YBX3: variants seen among roughly 807,000 people sequenced by gnomAD.
The protein encoded by YBX3 is Y-box binding protein 3, also known as Y-box-binding protein 3.
YBX3 carries 29 observed loss-of-function variants against 42.4 expected under a neutral mutation model. The observed-to-expected ratio is 0.68, with a 90% CI of 0.51 to 0.93. YBX3 has a LOEUF of 0.93. YBX3 is among the 40% of genes least tolerant of loss of function. The pLI is 0.00. For synonymous variants in YBX3, 195 were observed against 189.8 expected (o/e 1.03, Z -0.22); for missense variants, 517 against 527.5 (o/e 0.98, Z 0.19).
intron 7 of YBX3, 152 bp downstream of exon 7, chr12:10,703,899 G>A (rs1948108478): frequency 3.1e-6 from 2 of 638,614 alleles, no homozygotes; most frequent in Admixed American, 6.1e-5. Flanking sequence ...GGTGGGAAAT[G>A]TCACACCACC....
intron 7 of YBX3, chr12:10,703,140 G>A (rs1392175723): frequency 6.6e-6 from 1 of 152,128 alleles, no homozygotes; most frequent in Non-Finnish European, 1.5e-5. Context: ...TAAAGCTGGA[G>A]GGAACCTTGT....
At chr12:10,719,005 G>C in intron 2 of YBX3, 75 bp downstream of exon 2, 1 of 1,399,028 alleles carries the variant, frequency 7.1e-7, no homozygotes, top group Non-Finnish European at 1.0e-6. Context: ...ATTAATGAAG[G>C]CTAAGGGATT....
intron 2 of YBX3, among the ~76,000 whole-genome samples, chr12:10,718,689 T>G (rs1948291370): frequency 6.6e-6 from 1 of 152,230 alleles, no homozygotes; most frequent in African/African-American, 2.4e-5. Flanking sequence ...TACATAGGAC[T>G]GGACCAGAAG....
rs1403490573 is a variant in YBX3 at position 10,723,044 on chromosome 12, G to C, written c.68C>G (p.Ala23Gly). ...TTLPQAPTEA[A>G]AAAPQDPAPK... ...CGCGGGGTCCTGGGGAGCCGCGGCGGCCGCCTCCGTCGGAGCCTGCGGGAG... is the reference window on the plus strand; with the variant it reads ...CGCGGGGTCCTGGGGAGCCGCGGCGCCCGCCTCCGTCGGAGCCTGCGGGAG... Residue 23 changes from alanine (A) to glycine (G), a missense_variant, in exon 1 of 10, where the codon GCC becomes GGC. Coordinates refer to ENST00000228251, the MANE Select transcript of YBX3 (RefSeq NM_003651.5). 8.3e-7 allele frequency: 1 copy of C among 1,206,278 alleles called. No homozygotes were observed. The allele number at this position is 1,206,278 out of a possible 1,614,324, so 74.7% of individuals were successfully genotyped here. A position where few individuals can be genotyped will look rare whatever the true frequency, so the allele number is the denominator to read the frequency against.
intron 6 of YBX3, among the ~76,000 whole-genome samples, chr12:10,705,219 A>G (rs1214511310): frequency 1.3e-5 from 2 of 152,054 alleles, no homozygotes; most frequent in Non-Finnish European, 2.9e-5. Context: ...TCAGCCTCGC[A>G]AGTAGCTGGG....
intron 4 of YBX3, among the ~76,000 whole-genome samples, chr12:10,714,812 T>G (rs192462377): frequency 6.6e-6 from 1 of 151,752 alleles, no homozygotes; most frequent in African/African-American, 2.4e-5. Flanking sequence ...CAGGCTGGAG[T>G]GCAATGTCTC....
intron 6 of YBX3, among the ~76,000 whole-genome samples, 184 bp downstream of exon 6, chr12:10,709,724 T>G (rs1948176585): frequency 6.6e-6 from 1 of 152,232 alleles, no homozygotes; most frequent in South Asian, 2.1e-4. Flanking sequence ...GTTTTGCTTT[T>G]AGAAGTGTTA....
chr12:10,704,686 ACAGT>A (rs1948118420), intron 6 of YBX3, among the ~76,000 whole-genome samples: 1 of 152,180 alleles, frequency 6.6e-6, no homozygotes, highest in South Asian at 2.1e-4. Context: ...AGAAAGAGAA[ACAGT>A]CAGAAGACAA....
Position 10,699,374 on chromosome 12 carries a change from A to T in YBX3, c.*315T>A, listed in dbSNP as rs566815448. ...TTGTTTCAATATATATATTACCAAA[A>T]CAGTAAAAACCAGGAAAAAAAATAG... is the stretch of plus-strand genomic sequence containing the variant. On this transcript the variant is annotated 3_prime_UTR_variant, in exon 10 of 10. Transcript: ENST00000228251. 2 of 152,734 alleles carry T rather than the reference A, an allele frequency of 1.3e-5. No individual in the cohort carries two copies. Among genetic ancestry groups the T allele is most frequent in the East Asian group, 3.9e-4 (2 of 5,182 alleles). 9.5% of individuals were successfully genotyped at this position (152,734 alleles called of 1,614,324 possible).
At chr12:10,721,038 T>C (rs1948318955) in intron 1 of YBX3, 2 of 152,224 alleles carry the variant, frequency 1.3e-5, no homozygotes, top group Admixed American at 6.5e-5. Context: ...TATGTGCTTA[T>C]AAACTCAAGT....
chr12:10,708,379 G>A (rs1002515977), intron 6 of YBX3, among the ~76,000 whole-genome samples: 9 of 151,824 alleles, frequency 5.9e-5, no homozygotes, highest in Non-Finnish European at 7.4e-5. Context: ...AAACGTTGGC[G>A]AAGACTTTTA....
chr12:10,699,748 A>C (rs964431441), intron 9 of YBX3, 94 bp from the exon 10 acceptor site: 1 of 152,674 alleles, frequency 6.5e-6, no homozygotes, highest in African/African-American at 2.4e-5. Context: ...TCATATAATT[A>C]GAAAAAGAGT....
In YBX3 at chr12:10,715,751, A is replaced by T; in HGVS notation, c.393T>A (p.Tyr131Ter). 6.2e-7 allele frequency: 1 copy of T among 1,614,044 alleles called. No individual in the cohort carries two copies. The highest frequency in any genetic ancestry group is 2.2e-5 in the East Asian group (1 of 44,870). ...TTTCTCCATCTCCTACACTGCGCAGATATTTCCGTGGGTTATTCTTCTTGA... is the reference window on the plus strand; with the variant it reads ...TTTCTCCATCTCCTACACTGCGCAGTTATTTCCGTGGGTTATTCTTCTTGA... ...TAIKKNNPRK[Y>*]LRSVGDGETV... Residue 131 changes from tyrosine (Y) to a stop codon, truncating the protein, a stop_gained, in exon 4 of 10, where the codon TAT becomes TAA. Coordinates refer to ENST00000228251, the MANE Select transcript of YBX3 (RefSeq NM_003651.5). LOFTEE classifies it high-confidence loss of function.
At chr12:10,704,227 T>A in intron 6 of YBX3, 79 bp from the exon 7 acceptor site, 1 of 1,250,994 alleles carries the variant, frequency 8.0e-7, no homozygotes, top group Non-Finnish European at 1.1e-6. Flanking sequence ...TGTTCAGAAT[T>A]TTTTTTAGAA....
intron 5 of YBX3, 134 bp downstream of exon 5, chr12:10,713,077 A>C (rs571536623): frequency 8.2e-7 from 1 of 1,214,924 alleles, no homozygotes; most frequent in African/African-American, 1.5e-5. Flanking sequence ...AATTTCCTCT[A>C]AAGAAAAAAT....
At chr12:10,704,868 T>C (rs1398921490) in intron 6 of YBX3, among the ~76,000 whole-genome samples, 2 of 152,248 alleles carry the variant, frequency 1.3e-5, no homozygotes, top group Non-Finnish European at 2.9e-5. Flanking sequence ...CACTATGTTT[T>C]CACCTTTTCT....
At chr12:10,707,977 T>C (rs1372021763) in intron 6 of YBX3, among the ~76,000 whole-genome samples, 1 of 152,190 alleles carries the variant, frequency 6.6e-6, no homozygotes, top group Non-Finnish European at 1.5e-5. Context: ...CCATGTAAAA[T>C]AAAAGTTGCT....
At chr12:10,714,419 A>G (rs1442975253) in intron 4 of YBX3, among the ~76,000 whole-genome samples, 1 of 152,174 alleles carries the variant, frequency 6.6e-6, no homozygotes, top group African/African-American at 2.4e-5. Flanking sequence ...TTTTACTAGT[A>G]TCTATAACAG....
chr12:10,701,597 A>C (rs1028241654), intron 8 of YBX3, among the ~76,000 whole-genome samples: 5 of 135,190 alleles, frequency 3.7e-5, no homozygotes, highest in African/African-American at 1.4e-4. Context: ...GTACCATATA[A>C]GAACAGCTTA....
Sources: allele counts gnomAD v4.1 joint callset (sites outside exome capture counted in the v4.1 genomes callset), GRCh38; gene constraint gnomAD v4.1.1; transcripts MANE v1.5; gene names NCBI Gene and HGNC (gene_info 2026-07-23, HGNC 2026-07-21).